POU2AF3: variants seen among roughly 807,000 people sequenced by gnomAD.
POU2AF3 encodes cancer susceptibility candidate 13.
At chr11:111,306,428 G>C in the POU2AF3 span, 1 of 1,472,584 alleles carries the variant, frequency 6.8e-7, no homozygotes, top group South Asian at 1.4e-5. Context: ...TTTCTTCCAC[G>C]CCCAATTATT....
the POU2AF3 span, chr11:111,306,460 G>T: frequency 2.7e-6 from 4 of 1,506,882 alleles, no homozygotes; most frequent in Non-Finnish European, 3.5e-6. Flanking sequence ...GAATTTTCCA[G>T]TTGTGTTTCA....
the POU2AF3 span, chr11:111,308,334 A>G: frequency 6.4e-7 from 1 of 1,551,736 alleles, no homozygotes; most frequent in East Asian, 2.4e-5. Context: ...CAGGCAGCAG[A>G]GTACTTCTAC....
At chr11:111,303,440 T>C in the POU2AF3 span, among the ~76,000 whole-genome samples, 1 of 152,236 alleles carries the variant, frequency 6.6e-6, no homozygotes, top group Admixed American at 6.5e-5. Flanking sequence ...TTTCTTTGTA[T>C]TCTTGGAGCA....
chr11:111,304,974 C>A, the POU2AF3 span: 1 of 1,232,714 alleles, frequency 8.1e-7, no homozygotes, highest in Non-Finnish European at 1.0e-6. Flanking sequence ...GTTGCACCAT[C>A]TTCTGCAGGT....
At chr11:111,300,697 C>A in the POU2AF3 span, 1 of 716,420 alleles carries the variant, frequency 1.4e-6, no homozygotes, top group Non-Finnish European at 1.9e-6. Flanking sequence ...GGTGTGGAGG[C>A]CACTCAAGGC....
the POU2AF3 span, chr11:111,306,620 C>T: frequency 6.4e-7 from 1 of 1,550,758 alleles, no homozygotes; most frequent in Non-Finnish European, 8.7e-7. Context: ...TTAACCAGAG[C>T]CTGGTAATTT....
the POU2AF3 span, chr11:111,298,825 G>GGCGGGGCC: frequency 1.2e-6 from 1 of 852,674 alleles, no homozygotes; most frequent in Non-Finnish European, 1.5e-6. Flanking sequence ...GCGTACCCCA[G>GGCGGGGCC]GCCCCCGCCC....
At chr11:111,305,005 G>T in the POU2AF3 span, 1 of 1,225,154 alleles carries the variant, frequency 8.2e-7, no homozygotes, top group Non-Finnish European at 1.0e-6. Context: ...AGCATTAACA[G>T]TTCCCTCAAA....
At chr11:111,308,268 C>G in the POU2AF3 span, 1 of 1,551,810 alleles carries the variant, frequency 6.4e-7, no homozygotes, top group Non-Finnish European at 8.7e-7. Context: ...TTCTCCTCGG[C>G]CACCACCTCC....
At chr11:111,298,840 T>A in the POU2AF3 span, 8 of 351,284 alleles carry the variant, frequency 2.3e-5, no homozygotes, top group African/African-American at 5.1e-5. Context: ...CCGCCCGCCC[T>A]CCCACGTATC....
chr11:111,303,878 C>A, the POU2AF3 span, among the ~76,000 whole-genome samples: 1 of 147,674 alleles, frequency 6.8e-6, no homozygotes, highest in Non-Finnish European at 1.5e-5. Context: ...AACTTTAAAG[C>A]CACACCTGAA....
the POU2AF3 span, chr11:111,306,510 T>C: frequency 3.9e-6 from 6 of 1,544,106 alleles, no homozygotes; most frequent in Non-Finnish European, 3.5e-6. Flanking sequence ...GATCTTTGAT[T>C]CCTACCTTCA....
the POU2AF3 span, chr11:111,299,096 C>A: frequency 1.0e-6 from 1 of 977,092 alleles, no homozygotes; most frequent in Non-Finnish European, 1.2e-6. Flanking sequence ...CGCCTGGGCC[C>A]TGCGGGCGGG....
the POU2AF3 span, among the ~76,000 whole-genome samples, chr11:111,301,289 A>G: frequency 6.6e-6 from 1 of 152,244 alleles, no homozygotes; most frequent in Non-Finnish European, 1.5e-5. Flanking sequence ...GTACTGCCAA[A>G]GGCACTCAGG....
At chr11:111,305,383 G>A in the POU2AF3 span, among the ~76,000 whole-genome samples, 7 of 152,220 alleles carry the variant, frequency 4.6e-5, no homozygotes, top group South Asian at 2.1e-4. Context: ...GTTTCCAGCC[G>A]ACAGGGGCTT....
the POU2AF3 span, chr11:111,308,235 C>T: frequency 1.3e-4 from 197 of 1,551,826 alleles, 1 homozygote; most frequent in African/African-American, 2.3e-3. Flanking sequence ...CAACACTTGT[C>T]CTCACACGCC....
At chr11:111,307,544 A>G in the POU2AF3 span, among the ~76,000 whole-genome samples, 7 of 152,336 alleles carry the variant, frequency 4.6e-5, no homozygotes, top group Non-Finnish European at 1.0e-4. Context: ...CTTAAGAGAA[A>G]ACAGACAGTA....
At chr11:111,306,531 C>T in the POU2AF3 span, 13 of 1,550,330 alleles carry the variant, frequency 8.4e-6, no homozygotes, top group Admixed American at 2.2e-4. Context: ...GACAGAGATG[C>T]ACCCGGAGCC....
At chr11:111,300,813 T>C in the POU2AF3 span, among the ~76,000 whole-genome samples, 2 of 152,206 alleles carry the variant, frequency 1.3e-5, no homozygotes, top group South Asian at 2.1e-4. Flanking sequence ...CTGGGGCATG[T>C]TGTGGGGCTC....
Sources: gnomAD v4.1 joint callset for allele counts (sites outside exome capture counted in the v4.1 genomes callset) on GRCh38, gnomAD v4.1.1 for gene constraint, MANE v1.5 for transcripts, NCBI Gene and HGNC (gene_info 2026-07-23, HGNC 2026-07-21) for gene names.